SLC38A6: variants seen among roughly 807,000 people sequenced by gnomAD.
SLC38A6 encodes solute carrier family 38 member 6.
A neutral mutation model predicts 65.0 loss-of-function variants in SLC38A6; 73 were observed. The observed-to-expected ratio is 1.12, with a 90% CI of 0.93 to 1.37. The LOEUF (loss-of-function observed/expected upper bound fraction) is 1.37. Among genes scored for constraint, SLC38A6 ranks in the 40% most tolerant of loss-of-function variants. The pLI is 0.00. For missense variants in SLC38A6, 561 were observed against 531.1 expected (o/e 1.06, Z -0.55); for synonymous variants, 183 against 178.8 (o/e 1.02, Z -0.19).
chr14:61,021,537 T>C (rs955522489), intron 5 of SLC38A6, among the ~76,000 whole-genome samples: 3 of 152,170 alleles, frequency 2.0e-5, no homozygotes, highest in Non-Finnish European at 4.4e-5. Flanking sequence ...ACAGAGCTGG[T>C]TGGTCAGTTG....
At chr14:61,015,094 C>G (rs942583503) in intron 3 of SLC38A6, among the ~76,000 whole-genome samples, 1 of 152,198 alleles carries the variant, frequency 6.6e-6, no homozygotes, top group Non-Finnish European at 1.5e-5. Context: ...AGCGCCCATC[C>G]CCCAGCCTCG....
intron 3 of SLC38A6, among the ~76,000 whole-genome samples, chr14:60,987,830 A>G (rs1468968172): frequency 6.6e-6 from 1 of 152,070 alleles, no homozygotes; most frequent in East Asian, 1.9e-4. Flanking sequence ...CCGAACCACA[A>G]CTCCCTAGTC....
chr14:61,012,021 T>G (rs899909019), intron 3 of SLC38A6, among the ~76,000 whole-genome samples: 2 of 152,218 alleles, frequency 1.3e-5, no homozygotes, highest in Non-Finnish European at 2.9e-5. Flanking sequence ...CCTGGACTTT[T>G]TTTGGTTGGT....
intron 10 of SLC38A6, among the ~76,000 whole-genome samples, chr14:61,043,723 A>G (rs985479241): frequency 1.1e-5 from 1 of 92,598 alleles, no homozygotes; most frequent in South Asian, 3.3e-4. Context: ...TTTTCCTGGT[A>G]TGCCTTTGAA....
At chr14:60,981,744 A>G in intron 1 of SLC38A6, 1 of 1,295,640 alleles carries the variant, frequency 7.7e-7, no homozygotes, top group South Asian at 1.2e-5. Context: ...GGTCTTTGCA[A>G]GAGTCACAGG....
At chr14:60,997,645 A>C (rs890895025) in intron 3 of SLC38A6, among the ~76,000 whole-genome samples, 1 of 152,208 alleles carries the variant, frequency 6.6e-6, no homozygotes, top group South Asian at 2.1e-4. Flanking sequence ...AAAAAGTCAG[A>C]ATAAAATAGG....
At chr14:60,998,248 G>A (rs1388293096) in intron 3 of SLC38A6, among the ~76,000 whole-genome samples, 2 of 151,828 alleles carry the variant, frequency 1.3e-5, no homozygotes, top group Non-Finnish European at 2.9e-5. Context: ...AGGCATTTCT[G>A]TTTTCATGTC....
chr14:60,986,014 C>A (rs958391211), intron 3 of SLC38A6, among the ~76,000 whole-genome samples: 1 of 152,198 alleles, frequency 6.6e-6, no homozygotes, highest in Non-Finnish European at 1.5e-5. Context: ...GGGATCTGGC[C>A]CCAGGGCCCA....
chr14:61,049,152 C>A (rs1275584452), intron 12 of SLC38A6, among the ~76,000 whole-genome samples: 1 of 152,116 alleles, frequency 6.6e-6, no homozygotes, highest in African/African-American at 2.4e-5. Context: ...AATCCGTACT[C>A]CTGCTTTAGT....
At position 61,019,591 on chromosome 14, in the gene SLC38A6, G is replaced by A. The variant is rs751256184; in HGVS notation, c.403+11G>A. ...TTCAGAATATTGGAGGTAAGCAATT[G>A]CAAGTGCACTGTTTATACATAAATG... is the stretch of plus-strand genomic sequence containing the variant. On this transcript the variant is annotated intron_variant, in intron 5 of 15. Transcript: ENST00000267488. The A allele has an allele frequency of 3.1e-6, 5 of 1,612,336 alleles. No homozygotes were observed. Among genetic ancestry groups the A allele is most frequent in the Non-Finnish European group, 3.4e-6 (4 of 1,178,556 alleles).
chr14:61,024,492 T>TCTA (rs1310039627), intron 5 of SLC38A6, among the ~76,000 whole-genome samples: 4 of 152,202 alleles, frequency 2.6e-5, no homozygotes, highest in African/African-American at 9.6e-5. Flanking sequence ...TCTGGAAGTT[T>TCTA]TAACATTTAA....
At chr14:60,984,060 G>A (rs1052919844) in intron 2 of SLC38A6, among the ~76,000 whole-genome samples, 1 of 152,078 alleles carries the variant, frequency 6.6e-6, no homozygotes, top group African/African-American at 2.4e-5. Flanking sequence ...AGCTTGTCCT[G>A]CTGGTGTCTT....
intron 3 of SLC38A6, among the ~76,000 whole-genome samples, chr14:60,986,569 A>C (rs370095180): frequency 6.6e-6 from 1 of 152,260 alleles, no homozygotes; most frequent in African/African-American, 2.4e-5. Context: ...AGGAAGCAGT[A>C]CAAATATTAA....
chr14:61,052,146 T>C lies in SLC38A6; in HGVS notation c.1290+11T>C. ...TGGAAAAAGCTTGGGGTAGGTTGTT[T>C]TTGTTTCTTTCTTTCAAGACTTCTA... On this transcript the variant is annotated intron_variant, in intron 15 of 15. Coordinates refer to ENST00000267488, the MANE Select transcript of SLC38A6 (RefSeq NM_153811.3). The C allele has an allele frequency of 6.5e-7, 1 of 1,537,796 alleles. No individual in the cohort carries two copies. Among genetic ancestry groups the C allele is most frequent in the East Asian group, 2.3e-5 (1 of 42,584 alleles).
At chr14:61,001,265 A>G (rs142812288) in intron 3 of SLC38A6, among the ~76,000 whole-genome samples, 62 of 152,316 alleles carry the variant, frequency 4.1e-4, no homozygotes, top group African/African-American at 1.4e-3. Flanking sequence ...ACAGCCCCCA[A>G]CAACAAATAA....
intron 5 of SLC38A6, among the ~76,000 whole-genome samples, chr14:61,030,156 C>T (rs193291772): frequency 1.2e-4 from 18 of 152,056 alleles, no homozygotes; most frequent in Admixed American, 1.0e-3. Context: ...TTAAAAGTAG[C>T]CTGTAATCAA....
In SLC38A6 at chr14:61,043,223, A is replaced by G. The variant is rs2041917915; in HGVS notation, c.690+11A>G. ...GAGAAAGGTTTCCAGGTAATAGCTT[A>G]TATTTTCTTTTCAGTTTCTTCCTTT... On this transcript the variant is annotated intron_variant, in intron 9 of 15. Coordinates refer to ENST00000267488, the MANE Select transcript of SLC38A6 (RefSeq NM_153811.3). 7 of 1,433,900 alleles carry G rather than the reference A, an allele frequency of 4.9e-6. No individual in the cohort carries two copies. Among genetic ancestry groups the G allele is most frequent in the South Asian group, 2.5e-5 (2 of 79,344 alleles). The allele number at this position is 1,433,900 out of a possible 1,614,324, so 88.8% of individuals were successfully genotyped here. A position where few individuals can be genotyped will look rare whatever the true frequency, so the allele number is the denominator to read the frequency against.
chr14:61,061,197 A>G (rs2042828129), intron 15 of SLC38A6, among the ~76,000 whole-genome samples: 1 of 152,170 alleles, frequency 6.6e-6, no homozygotes, highest in Non-Finnish European at 1.5e-5. Context: ...TGAGATGATC[A>G]TGTGGTTTTT....
intron 2 of SLC38A6, among the ~76,000 whole-genome samples, chr14:60,984,194 T>A (rs1025383061): frequency 6.6e-6 from 1 of 151,778 alleles, no homozygotes; most frequent in African/African-American, 2.4e-5. Context: ...ACTACATTAT[T>A]TTAATTTAGT....
Sources: allele counts gnomAD v4.1 joint callset (sites outside exome capture counted in the v4.1 genomes callset), GRCh38; gene constraint gnomAD v4.1.1; transcripts MANE v1.5; gene names NCBI Gene and HGNC (gene_info 2026-07-23, HGNC 2026-07-21).